RBFOX1: variants seen among roughly 807,000 people sequenced by gnomAD.
The protein encoded by RBFOX1 is RNA binding protein fox-1 homolog 1.
Under a neutral mutation model 57.7 loss-of-function variants are expected in RBFOX1, and 8 were observed. The observed-to-expected ratio is 0.14, with a 90% CI of 0.08 to 0.25. RBFOX1 has a LOEUF of 0.25. Among genes scored for constraint, RBFOX1 ranks in the 10% least tolerant of loss-of-function variants. The probability of loss-of-function intolerance (pLI) is 1.00; values close to 1 mark genes in which losing one functional copy is unlikely to be tolerated. For missense variants in RBFOX1, 611 were observed against 548.5 expected, an observed-to-expected ratio of 1.11 and a Z score of -1.14; for synonymous variants, 326 against 222.4, an observed-to-expected ratio of 1.47 and a Z score of -4.15.
At chr16:7,160,839 C>CTCCT (rs769846117) in intron 4 of RBFOX1, among the ~76,000 whole-genome samples, 3 of 113,252 alleles carry the variant, frequency 2.6e-5, no homozygotes, top group East Asian at 4.5e-4. Context: ...CTCCTCCTTC[C>CTCCT]TCCTCCTCCT....
intron 2 of RBFOX1, among the ~76,000 whole-genome samples, chr16:5,476,158 GCACCCTTGT>G (rs1162882624): frequency 6.6e-6 from 1 of 152,062 alleles, no homozygotes; most frequent in Non-Finnish European, 1.5e-5. Context: ...GAGACCCTGG[GCACCCTTGT>G]TAAAATGCAG....
intron 3 of RBFOX1, among the ~76,000 whole-genome samples, chr16:5,684,430 T>G (rs1242773899): frequency 6.6e-6 from 1 of 152,162 alleles, no homozygotes; most frequent in Non-Finnish European, 1.5e-5. Context: ...GACGCCACAA[T>G]GCTCTGCAAC....
intron 3 of RBFOX1, among the ~76,000 whole-genome samples, chr16:5,751,082 A>G (rs1391876703): frequency 4.6e-5 from 7 of 152,248 alleles, no homozygotes; most frequent in African/African-American, 1.4e-4. Flanking sequence ...ACCTGAAGAG[A>G]TCTGCCCACC....
intron 1 of RBFOX1, among the ~76,000 whole-genome samples, chr16:5,283,215 T>C (rs1253483428): frequency 6.6e-6 from 1 of 152,188 alleles, no homozygotes; most frequent in African/African-American, 2.4e-5. Flanking sequence ...TGGAAATGCC[T>C]AGATGTCCAG....
chr16:7,088,944 A>G (rs1245393697), intron 4 of RBFOX1, among the ~76,000 whole-genome samples: 2 of 152,114 alleles, frequency 1.3e-5, no homozygotes, highest in African/African-American at 2.4e-5. Flanking sequence ...CTCTGGTTCA[A>G]CTCAGATCTA....
intron 2 of RBFOX1, among the ~76,000 whole-genome samples, chr16:6,352,467 A>C (rs1384343251): frequency 6.6e-6 from 1 of 152,236 alleles, no homozygotes; most frequent in Admixed American, 6.5e-5. Context: ...AATGTGGATT[A>C]CAATGGAATT....
At chr16:7,438,065 T>A (rs2098736944) in intron 4 of RBFOX1, among the ~76,000 whole-genome samples, 1 of 152,182 alleles carries the variant, frequency 6.6e-6, no homozygotes, top group Non-Finnish European at 1.5e-5. Context: ...AAAATTATAG[T>A]TCTGAGATGG....
intron 4 of RBFOX1, among the ~76,000 whole-genome samples, chr16:7,380,276 T>A (rs1299469972): frequency 6.6e-6 from 1 of 152,126 alleles, no homozygotes; most frequent in Non-Finnish European, 1.5e-5. Flanking sequence ...TCGTATAAAA[T>A]AAAAAATGTT....
Position 6,019,342 on chromosome 16 carries a change from C to T in RBFOX1, c.-777C>T, listed in dbSNP as rs2095024672. On this transcript the variant is annotated 5_prime_UTR_variant, in exon 1 of 16. Transcript: ENST00000550418. The surrounding 1 kb of genome is among the most constrained non-coding windows in gnomAD (Gnocchi z 4.2). ...GTGCGAGCCGCGCTGCCGCCGCCTC[C>T]TCCAGCCAGAGTCGGTGGGACTGGC... is the stretch of plus-strand genomic sequence containing the variant. 1.0e-6 allele frequency: 1 copy of T among 985,778 alleles called. No homozygotes were observed. Among genetic ancestry groups the T allele is most frequent in the Non-Finnish European group, 1.2e-6 (1 of 830,306 alleles). 61.1% of individuals were successfully genotyped at this position (985,778 alleles called of 1,614,324 possible).
At chr16:6,558,362 C>T (rs2097133779) in intron 2 of RBFOX1, among the ~76,000 whole-genome samples, 1 of 152,174 alleles carries the variant, frequency 6.6e-6, no homozygotes, top group Non-Finnish European at 1.5e-5. Flanking sequence ...CTGAGATCAG[C>T]TCAGTGCAGT....
At chr16:5,555,121 G>A (rs1203864853) in intron 2 of RBFOX1, among the ~76,000 whole-genome samples, 1 of 152,204 alleles carries the variant, frequency 6.6e-6, no homozygotes, top group Non-Finnish European at 1.5e-5. Context: ...CCGGGGTACA[G>A]GGCAAGAGCC....
chr16:7,189,000 G>T, intron 4 of RBFOX1, among the ~76,000 whole-genome samples: 1 of 152,268 alleles, frequency 6.6e-6, no homozygotes, highest in Middle Eastern at 3.4e-3. Context: ...AGAACATCAG[G>T]CTAGAGGCAA....
At chr16:5,706,639 C>T (rs1279179167) in intron 3 of RBFOX1, among the ~76,000 whole-genome samples, 2 of 152,142 alleles carry the variant, frequency 1.3e-5, no homozygotes, top group Non-Finnish European at 2.9e-5. Flanking sequence ...TCCAGAGTGT[C>T]TCTCTGGAGG....
chr16:6,452,475 C>T lies in RBFOX1; in HGVS notation c.-64+135418C>T, dbSNP rs751182776. On this transcript the variant is annotated intron_variant, in intron 2 of 15. Transcript: ENST00000550418. ...CCTTCCTTCCATGGCTCCATCCTTC[C>T]ATGACTCCAGTGCCATATTTTGTAG... Among the ~76,000 whole-genome samples, 32 of 152,174 alleles carry T rather than the reference C, an allele frequency of 2.1e-4. 1 individual carries two copies. The highest frequency in any genetic ancestry group is 1.2e-4 in the African/African-American group (5 of 41,448).
intron 3 of RBFOX1, among the ~76,000 whole-genome samples, chr16:6,808,469 C>G (rs1389187642): frequency 2.6e-5 from 4 of 151,968 alleles, no homozygotes; most frequent in Non-Finnish European, 5.9e-5. Flanking sequence ...CCTTGCTTCC[C>G]CAGTGAATAG....
intron 3 of RBFOX1, among the ~76,000 whole-genome samples, chr16:5,764,064 G>T (rs2053687045): frequency 6.6e-6 from 1 of 152,128 alleles, no homozygotes; most frequent in South Asian, 2.1e-4. Flanking sequence ...CACCGTAGGT[G>T]TCTAATAAAT....
chr16:5,612,571 A>C (rs936191655), intron 3 of RBFOX1, among the ~76,000 whole-genome samples: 4 of 152,218 alleles, frequency 2.6e-5, no homozygotes, highest in African/African-American at 9.6e-5. Flanking sequence ...CCGGGCATAC[A>C]TGGTGGATAT....
chr16:7,492,423 T>C (rs912022033), intron 4 of RBFOX1, among the ~76,000 whole-genome samples: 3 of 152,182 alleles, frequency 2.0e-5, no homozygotes, highest in Non-Finnish European at 4.4e-5. Flanking sequence ...CATTCTTTAG[T>C]TTCCTAGAAC....
intron 4 of RBFOX1, among the ~76,000 whole-genome samples, chr16:7,223,726 A>AAAAAAG (rs1567779996): frequency 6.7e-6 from 1 of 149,656 alleles, no homozygotes; most frequent in Non-Finnish European, 1.5e-5. Context: ...AAAAAAAAAA[A>AAAAAAG]AAAAAGAAAA....
Sources: allele counts gnomAD v4.1 joint callset (sites outside exome capture counted in the v4.1 genomes callset), GRCh38; gene constraint gnomAD v4.1.1; non-coding constraint Gnocchi (gnomAD v3.1); transcripts MANE v1.5; gene names NCBI Gene and HGNC (gene_info 2026-07-23, HGNC 2026-07-21).